The following RELN variants were observed in gnomAD, a reference collection of about 807,000 sequenced individuals.
RELN encodes reelin.
A neutral mutation model predicts 427.6 loss-of-function variants in RELN; 108 were observed. The observed-to-expected ratio is 0.25, with a 90% CI of 0.22 to 0.30. The LOEUF is 0.30. Among genes scored for constraint, RELN ranks in the 10% least tolerant of loss-of-function variants. The pLI is 1.00. For synonymous variants in RELN, 1,524 were observed against 1,513.4 expected, an observed-to-expected ratio of 1.01 and a Z score of -0.16; for missense variants, 3,715 against 4,302.8, an observed-to-expected ratio of 0.86 and a Z score of 3.82.
At chr7:103,511,168 A>G (rs1217828756) in intron 50 of RELN, among the ~76,000 whole-genome samples, 163 bp from the exon 51 acceptor site, 1 of 152,232 alleles carries the variant, frequency 6.6e-6, no homozygotes, top group African/African-American at 2.4e-5. Context: ...TCAGGAACAT[A>G]AATACTAGGA....
intron 3 of RELN, among the ~76,000 whole-genome samples, chr7:103,816,052 T>C (rs765483569): frequency 6.6e-5 from 10 of 152,148 alleles, no homozygotes; most frequent in Non-Finnish European, 1.3e-4. Flanking sequence ...TTTCTTAACG[T>C]CAAATTAGCA....
At chr7:103,924,337 GA>G (rs2116690588) in intron 1 of RELN, among the ~76,000 whole-genome samples, 1 of 152,242 alleles carries the variant, frequency 6.6e-6, no homozygotes, top group African/African-American at 2.4e-5. Flanking sequence ...TTGAGGGGGA[GA>G]AAGGAAGGAG....
intron 1 of RELN, among the ~76,000 whole-genome samples, chr7:103,924,079 G>A (rs571091331): frequency 2.0e-5 from 3 of 152,190 alleles, no homozygotes; most frequent in Admixed American, 1.3e-4. Context: ...CAACCTGAAC[G>A]GACTGCAGTA....
intron 6 of RELN, among the ~76,000 whole-genome samples, chr7:103,746,729 A>G (rs1790843244): frequency 6.6e-6 from 1 of 151,526 alleles, no homozygotes; most frequent in Admixed American, 6.6e-5. Flanking sequence ...ATCTCACACC[A>G]GTTAGAATGG....
chr7:103,904,527 G>C (rs1036577278), intron 2 of RELN, among the ~76,000 whole-genome samples: 3 of 152,068 alleles, frequency 2.0e-5, no homozygotes, highest in Admixed American at 6.6e-5. Flanking sequence ...ACTGTTCCTT[G>C]ACTTTACATA....
At chr7:103,800,910 A>C (rs1554421929) in intron 3 of RELN, among the ~76,000 whole-genome samples, 1 of 152,234 alleles carries the variant, frequency 6.6e-6, no homozygotes, top group Non-Finnish European at 1.5e-5. Flanking sequence ...CTGATGAAAA[A>C]GTGGGCAAAG....
At chr7:103,774,098 C>T (rs1056021528) in intron 4 of RELN, among the ~76,000 whole-genome samples, 1 of 151,926 alleles carries the variant, frequency 6.6e-6, no homozygotes, top group African/African-American at 2.4e-5. Context: ...GAGTTCAAGA[C>T]TAGCCTGGCC....
intron 3 of RELN, among the ~76,000 whole-genome samples, chr7:103,791,929 C>T (rs1022986388): frequency 3.3e-5 from 5 of 152,000 alleles, no homozygotes; most frequent in African/African-American, 7.2e-5. Context: ...TTTGAACAGA[C>T]ATTTATCCAA....
intron 2 of RELN, among the ~76,000 whole-genome samples, chr7:103,891,415 C>T (rs765607118): frequency 6.6e-6 from 1 of 152,096 alleles, no homozygotes. Context: ...GCAGGAGGCC[C>T]AATTCCAATG....
chr7:103,856,077 G>T lies in RELN; in HGVS notation c.338-22405C>A, dbSNP rs961789793. 2.0e-5 allele frequency among the ~76,000 whole-genome samples: 3 copies of T among 152,214 alleles called. No homozygotes were observed. The South Asian group carries it at 6.2e-4, about 32-fold the overall frequency. ...AGAGTTTGACAGTGAAAGCATGAAC[G>T]GTGTTCTGTGAATCAGAGTTGGGTA... is the stretch of plus-strand genomic sequence containing the variant. On this transcript the variant is annotated intron_variant, in intron 2 of 64. Coordinates refer to ENST00000428762, the MANE Select transcript of RELN (RefSeq NM_005045.4).
At chr7:103,839,366 G>A (rs1164447875) in intron 2 of RELN, among the ~76,000 whole-genome samples, 2 of 141,932 alleles carry the variant, frequency 1.4e-5, no homozygotes, top group African/African-American at 2.7e-5. Context: ...ATTGTAATTG[G>A]CATTTTCTTT....
chr7:103,664,918 T>G (rs1345125600), intron 11 of RELN, among the ~76,000 whole-genome samples: 1 of 152,128 alleles, frequency 6.6e-6, no homozygotes, highest in Non-Finnish European at 1.5e-5. Context: ...TTTGTTTATG[T>G]GTCGTTGGAT....
chr7:103,807,526 T>C (rs1396984066), intron 3 of RELN, among the ~76,000 whole-genome samples: 2 of 152,114 alleles, frequency 1.3e-5, no homozygotes, highest in East Asian at 3.9e-4. Flanking sequence ...AAATTGCATG[T>C]CACTGAGGCT....
At chr7:103,944,580 CCAT>C (rs1796181783) in intron 1 of RELN, among the ~76,000 whole-genome samples, 1 of 152,096 alleles carries the variant, frequency 6.6e-6, no homozygotes, top group African/African-American at 2.4e-5. Context: ...GAGAGGATGC[CCAT>C]CTTGTAAGTG....
At chr7:103,826,698 CCCAAATCTCTGG>C (rs1312103018) in intron 3 of RELN, among the ~76,000 whole-genome samples, 5 of 152,026 alleles carry the variant, frequency 3.3e-5, no homozygotes, top group Non-Finnish European at 5.9e-5. Context: ...AGGGAAATAA[CCCAAATCTCTGG>C]CCATACCTCA....
intron 4 of RELN, among the ~76,000 whole-genome samples, chr7:103,761,599 T>C (rs1791300160): frequency 6.6e-6 from 1 of 151,784 alleles, no homozygotes; most frequent in African/African-American, 2.4e-5. Flanking sequence ...ACTACAGGCA[T>C]ACAGCACCAA....
At chr7:103,767,402 C>T (rs1433303325) in intron 4 of RELN, among the ~76,000 whole-genome samples, 3 of 152,148 alleles carry the variant, frequency 2.0e-5, no homozygotes, top group East Asian at 3.9e-4. Context: ...GCCTGCCACT[C>T]GTGAGTACTG....
chr7:103,635,623 AC>A, intron 18 of RELN, 37 bp from the exon 19 acceptor site: 1 of 1,555,338 alleles, frequency 6.4e-7, no homozygotes, highest in Non-Finnish European at 8.9e-7. Flanking sequence ...GTATGCATAA[AC>A]ATTTTTAATC....
At chr7:103,549,003 T>C (rs983931817) in intron 41 of RELN, among the ~76,000 whole-genome samples, 1 of 151,884 alleles carries the variant, frequency 6.6e-6, no homozygotes, top group African/African-American at 2.4e-5. Context: ...AATCTATCTT[T>C]AGGGTCGTTC....
Sources: allele counts gnomAD v4.1 joint callset (sites outside exome capture counted in the v4.1 genomes callset), GRCh38; gene constraint gnomAD v4.1.1; transcripts MANE v1.5; gene names NCBI Gene and HGNC (gene_info 2026-07-23, HGNC 2026-07-21).